Variants in ADGRL2 observed in about 807,000 individuals in gnomAD.
ADGRL2 encodes adhesion G protein-coupled receptor L2, also known as calcium-independent alpha-latrotoxin receptor 2.
In ADGRL2, 44 loss-of-function variants were observed where a neutral mutation model predicts 157.4. The observed-to-expected ratio is 0.28, with a 90% confidence interval of 0.22 to 0.36. ADGRL2 has a LOEUF of 0.36. Among genes scored for constraint, ADGRL2 ranks in the 10% least tolerant of loss-of-function variants. ADGRL2 has a pLI of 1.00. For synonymous variants in ADGRL2, 585 were observed against 624.7 expected (o/e 0.94, Z 0.95); for missense variants, 1,510 against 1,768.9 (o/e 0.85, Z 2.63).
At chr1:81,493,520 A>G (rs1381665025) in intron 2 of ADGRL2, among the ~76,000 whole-genome samples, 3 of 152,202 alleles carry the variant, frequency 2.0e-5, no homozygotes, top group Non-Finnish European at 4.4e-5. Context: ...AATACATCAA[A>G]AAAGAAGACA....
chr1:81,808,559 A>G (rs185393697), intron 1 of ADGRL2, among the ~76,000 whole-genome samples: 1 of 152,172 alleles, frequency 6.6e-6, no homozygotes, highest in East Asian at 1.9e-4. Context: ...GTTTGTTTTT[A>G]AGTAGTTGCT....
chr1:81,500,964 C>T (rs765198018), intron 2 of ADGRL2, among the ~76,000 whole-genome samples: 1 of 152,134 alleles, frequency 6.6e-6, no homozygotes, highest in Non-Finnish European at 1.5e-5. Context: ...AATGTAGAAA[C>T]TTCAATTCGA....
chr1:81,570,890 A>G (rs1241990108), intron 2 of ADGRL2, among the ~76,000 whole-genome samples: 2 of 152,222 alleles, frequency 1.3e-5, no homozygotes, highest in Admixed American at 1.3e-4. Context: ...GTAAAGGTCC[A>G]GATAGTAAAT....
At chr1:81,978,320 T>C (rs918059474) in intron 17 of ADGRL2, among the ~76,000 whole-genome samples, 2 of 151,784 alleles carry the variant, frequency 1.3e-5, no homozygotes, top group African/African-American at 4.8e-5. Flanking sequence ...AATTCAAGCA[T>C]TTATTTATAT....
At chr1:81,364,990 T>G (rs927148985) in intron 1 of ADGRL2, among the ~76,000 whole-genome samples, 1 of 152,136 alleles carries the variant, frequency 6.6e-6, no homozygotes, top group African/African-American at 2.4e-5. Context: ...AGTCTGTCAC[T>G]TATTTGAGTC....
At chr1:81,577,765 C>T (rs1179714288) in intron 2 of ADGRL2, among the ~76,000 whole-genome samples, 1 of 152,158 alleles carries the variant, frequency 6.6e-6, no homozygotes, top group African/African-American at 2.4e-5. Context: ...ACCAGGCACA[C>T]CTTTATTTTC....
chr1:81,442,131 C>T (rs774760748), intron 1 of ADGRL2, among the ~76,000 whole-genome samples: 1 of 152,200 alleles, frequency 6.6e-6, no homozygotes, highest in Non-Finnish European at 1.5e-5. Context: ...TTCATTGAAA[C>T]TTACATTATG....
chr1:81,909,919 T>C (rs1020241344), intron 3 of ADGRL2, among the ~76,000 whole-genome samples: 1 of 152,144 alleles, frequency 6.6e-6, no homozygotes, highest in South Asian at 2.1e-4. Context: ...TTAAAGATGG[T>C]TATAAATTGG....
chr1:81,742,270 T>G (rs2085097048), intron 1 of ADGRL2, among the ~76,000 whole-genome samples: 1 of 152,038 alleles, frequency 6.6e-6, no homozygotes, highest in African/African-American at 2.4e-5. Context: ...TTTGTTTAAG[T>G]GTAGTTTCCT....
At chr1:81,922,232 G>T (rs1437569583) in intron 3 of ADGRL2, among the ~76,000 whole-genome samples, 1 of 152,134 alleles carries the variant, frequency 6.6e-6, no homozygotes, top group South Asian at 2.1e-4. Context: ...TACTGAGGAG[G>T]TCTGTTCAGG....
chr1:81,614,112 C>T (rs1387419767), intron 3 of ADGRL2, among the ~76,000 whole-genome samples: 2 of 152,158 alleles, frequency 1.3e-5, no homozygotes, highest in Non-Finnish European at 2.9e-5. Flanking sequence ...TGGCATAATA[C>T]CTCTAAACTC....
chr1:81,587,736 G>C (rs1265809324), intron 3 of ADGRL2, among the ~76,000 whole-genome samples: 1 of 152,108 alleles, frequency 6.6e-6, no homozygotes, highest in African/African-American at 2.4e-5. Flanking sequence ...ATAGAGGAAG[G>C]CTTGGAGAAT....
intron 2 of ADGRL2, among the ~76,000 whole-genome samples, chr1:81,536,791 A>G (rs2079749248): frequency 6.6e-6 from 1 of 152,238 alleles, no homozygotes; most frequent in Non-Finnish European, 1.5e-5. Flanking sequence ...AATGGTAACC[A>G]ATACAATCAT....
Position 81,943,158 on chromosome 1 carries a change from G to A in ADGRL2, c.599G>A (p.Arg200His), listed in dbSNP as rs577293051. Residue 200 changes from arginine to histidine, a missense_variant, in exon 6 of 24, where the codon CGC becomes CAC. Physicochemically the swap from Arg to His is conservative, Grantham distance 29. Coordinates refer to ENST00000686636, the MANE Select transcript of ADGRL2 (RefSeq NM_001366006.2). The surrounding 1 kb of genome is among the most constrained non-coding windows in gnomAD (Gnocchi z 5.6). ...YASLEDFQNS[R>H]QTTTYKLPNR... Reference sequence around the variant, plus strand: ...TCTTTAGAAGATTTCCAAAATAGTCGCCAAACAACAACATATAAACTTCCA... The same window carrying A: ...TCTTTAGAAGATTTCCAAAATAGTCACCAAACAACAACATATAAACTTCCA... 8.1e-6 allele frequency: 13 copies of A among 1,613,414 alleles called. No individual in the cohort carries two copies. Among genetic ancestry groups the A allele is most frequent in the African/African-American group, 2.7e-5 (2 of 74,948 alleles).
At chr1:81,426,539 A>G (rs1404541967) in intron 1 of ADGRL2, 10 of 435,532 alleles carry the variant, frequency 2.3e-5, no homozygotes, top group Admixed American at 5.0e-5. Flanking sequence ...ATCATGATCC[A>G]AAGGAACCAG....
chr1:81,815,361 A>G (rs1051393259), intron 1 of ADGRL2, among the ~76,000 whole-genome samples: 3 of 151,834 alleles, frequency 2.0e-5, no homozygotes, highest in Non-Finnish European at 3.0e-5. Context: ...ATGCTGTGTT[A>G]TCTCTTAGTA....
intron 2 of ADGRL2, among the ~76,000 whole-genome samples, chr1:81,840,693 A>G (rs2092540485): frequency 6.6e-6 from 1 of 152,184 alleles, no homozygotes; most frequent in African/African-American, 2.4e-5. Flanking sequence ...TTTCTGTAAA[A>G]TAGGATTAAT....
intron 17 of ADGRL2, among the ~76,000 whole-genome samples, chr1:81,975,036 C>T (rs1396878203): frequency 1.3e-5 from 2 of 151,804 alleles, no homozygotes; most frequent in Non-Finnish European, 2.9e-5. Flanking sequence ...TCTCACTCAA[C>T]AGACTTATCT....
At chr1:81,651,743 T>C (rs2082424477) in intron 3 of ADGRL2, among the ~76,000 whole-genome samples, 1 of 152,136 alleles carries the variant, frequency 6.6e-6, no homozygotes, top group Admixed American at 6.5e-5. Context: ...TTGTTTGTGT[T>C]TGTTTTTAGA....
Sources: gnomAD v4.1 joint callset for allele counts (sites outside exome capture counted in the v4.1 genomes callset) on GRCh38, gnomAD v4.1.1 for gene constraint, Gnocchi (gnomAD v3.1) non-coding constraint, MANE v1.5 for transcripts, NCBI Gene and HGNC (gene_info 2026-07-23, HGNC 2026-07-21) for gene names.